Variants in FAM120B observed in about 807,000 individuals in gnomAD.
FAM120B encodes family with sequence similarity 120 member B, also known as constitutive coactivator of peroxisome proliferator-activated receptor gamma.
In FAM120B, 83 loss-of-function variants were observed where a neutral mutation model predicts 96.3. The ratio of observed to expected loss-of-function variants is 0.86; its 90% CI spans 0.72 to 1.03. FAM120B has a LOEUF of 1.03. Ranked by LOEUF, FAM120B falls within the 50% of genes least tolerant of loss-of-function variation. The pLI is 0.00. For missense variants in FAM120B, 1,027 were observed against 1,121.2 expected (o/e 0.92, Z 1.20); for synonymous variants, 407 against 402.7 (o/e 1.01, Z -0.13).
chr6:170,361,863 A>C (rs1788483175), intron 6 of FAM120B, among the ~76,000 whole-genome samples: 1 of 152,078 alleles, frequency 6.6e-6, no homozygotes, highest in African/African-American at 2.4e-5. Flanking sequence ...ACGTGATCTC[A>C]GCTCACTGCA....
At position 170,404,548 on chromosome 6, in the gene FAM120B, A is replaced by G. The variant is rs1453861365; in HGVS notation, c.2693-2A>G. 1.2e-6 allele frequency: 2 copies of G among 1,613,706 alleles called. No homozygotes were observed. Among genetic ancestry groups the G allele is most frequent in the Non-Finnish European group, 1.7e-6 (2 of 1,179,810 alleles). ...TTTGGTTTTCATGTCTGTTTACTGC[A>G]GGAAGCAGACAGTATGAGCATGACC... On this transcript the variant is annotated splice_acceptor_variant, in intron 9 of 10. Coordinates refer to ENST00000476287, the MANE Select transcript of FAM120B (RefSeq NM_032448.3). LOFTEE classifies it high-confidence loss of function.
Position 170,323,136 on chromosome 6 carries a change from A to G in FAM120B, c.1792A>G (p.Ser598Gly). 6.2e-7 allele frequency: 1 copy of G among 1,614,184 alleles called. No individual in the cohort carries two copies. The highest frequency in any genetic ancestry group is 1.1e-5 in the South Asian group (1 of 91,078). ...ESYLVYNIMS[S>G]GEIECSNTLE... ...CTACCTGGTGTACAACATCATGAGC[A>G]GTGGAGAGATTGAATGCAGCAACAC... The change falls in exon 3 of 11, where the codon AGT becomes GGT. Residue 598 changes from serine (S) to glycine (G), a missense_variant. Ser to Gly is a moderately conservative substitution (Grantham distance 56). Transcript: ENST00000476287.
intron 1 of FAM120B, among the ~76,000 whole-genome samples, chr6:170,307,217 T>C (rs1784346031): frequency 6.6e-6 from 1 of 152,228 alleles, no homozygotes; most frequent in African/African-American, 2.4e-5. Flanking sequence ...GTCAGAGCTG[T>C]TATCCTTCGT....
intron 6 of FAM120B, among the ~76,000 whole-genome samples, chr6:170,371,748 C>G (rs1789206539): frequency 6.6e-6 from 1 of 152,220 alleles, no homozygotes; most frequent in African/African-American, 2.4e-5. Flanking sequence ...CTTCAGGAGT[C>G]AGGCCTTGAA....
At chr6:170,337,046 C>T (rs1012380436) in intron 4 of FAM120B, among the ~76,000 whole-genome samples, 1 of 152,082 alleles carries the variant, frequency 6.6e-6, no homozygotes, top group African/African-American at 2.4e-5. Context: ...GCCTGATTGC[C>T]CTGGACAGAA....
At chr6:170,400,642 C>G (rs998013628) in intron 9 of FAM120B, among the ~76,000 whole-genome samples, 1 of 152,184 alleles carries the variant, frequency 6.6e-6, no homozygotes, top group Non-Finnish European at 1.5e-5. Context: ...CAGAGGGGAT[C>G]GTGGCCACTT....
At chr6:170,396,244 G>T (rs926800566) in intron 9 of FAM120B, among the ~76,000 whole-genome samples, 1 of 152,028 alleles carries the variant, frequency 6.6e-6, no homozygotes, top group Non-Finnish European at 1.5e-5. Context: ...TAGAGACTTC[G>T]CAAGCTGCTC....
intron 1 of FAM120B, among the ~76,000 whole-genome samples, chr6:170,308,006 A>G (rs1013198360): frequency 2.4e-4 from 37 of 152,280 alleles, no homozygotes; most frequent in African/African-American, 8.7e-4. Context: ...TGTACTCCCA[A>G]GTTCCTCCGT....
chr6:170,311,108 G>C (rs953205098), intron 1 of FAM120B, among the ~76,000 whole-genome samples: 3 of 152,242 alleles, frequency 2.0e-5, no homozygotes, highest in African/African-American at 4.8e-5. Context: ...AGTGGATGCT[G>C]AACAGCCATA....
chr6:170,306,543 G>A (rs533249111), upstream of FAM120B: 2 of 152,384 alleles, frequency 1.3e-5, no homozygotes, highest in South Asian at 2.1e-4. Flanking sequence ...CGCGACCCGA[G>A]GTCCGCCAGC....
upstream of FAM120B, among the ~76,000 whole-genome samples, chr6:170,303,680 T>TATGTAAACACACGTA (rs1784189050): frequency 2.6e-5 from 4 of 152,372 alleles, no homozygotes; most frequent in Middle Eastern, 6.8e-3. Flanking sequence ...CATGCACATT[T>TATGTAAACACACGTA]ATGTAAACAC....
chr6:170,395,602 T>G (rs1387100847), intron 9 of FAM120B, 23 bp downstream of exon 9: 2 of 1,542,378 alleles, frequency 1.3e-6, no homozygotes, highest in Non-Finnish European at 1.8e-6. Flanking sequence ...GTGGTCACTC[T>G]GCTGGGCCAC....
At chr6:170,345,673 A>G (rs1328046529) in intron 4 of FAM120B, among the ~76,000 whole-genome samples, 2 of 152,234 alleles carry the variant, frequency 1.3e-5, no homozygotes, top group African/African-American at 4.8e-5. Flanking sequence ...TAAACAATTG[A>G]TGGATCTTGT....
At chr6:170,385,748 A>C (rs1301579376) in intron 6 of FAM120B, among the ~76,000 whole-genome samples, 5 of 152,228 alleles carry the variant, frequency 3.3e-5, no homozygotes, top group Non-Finnish European at 7.3e-5. Context: ...TCAGTGGGTG[A>C]TTAGATGAAC....
In FAM120B at chr6:170,376,999, C is replaced by T. The variant is rs377506589; in HGVS notation, c.2284-11288C>T. ...GTGCACACGCGTCCCTAAACCCAGA[C>T]GCCTGGGAGAACACAGGCTCACGCT... On this transcript the variant is annotated intron_variant, in intron 6 of 10. Transcript: ENST00000476287. Among the ~76,000 whole-genome samples the T allele has an allele frequency of 7.5e-3, 915 of 122,182 alleles. 26 individuals are homozygous for T. The East Asian group carries it at 0.08, about 11-fold the overall frequency. 80.2% of individuals were successfully genotyped at this position (122,182 alleles called of 152,430 possible).
intron 5 of FAM120B, among the ~76,000 whole-genome samples, chr6:170,350,377 G>T (rs1392043296): frequency 6.6e-6 from 1 of 152,228 alleles, no homozygotes; most frequent in East Asian, 1.9e-4. Context: ...CAGCCTGCCA[G>T]CTTTGGAGAA....
intron 9 of FAM120B, among the ~76,000 whole-genome samples, chr6:170,403,897 CT>C (rs1778705601): frequency 6.6e-6 from 1 of 152,290 alleles, no homozygotes; most frequent in Admixed American, 6.5e-5. Context: ...GGAGCCCACA[CT>C]TTTGGGGGAG....
rs1778779200 is a variant in FAM120B at position 170,405,677 on chromosome 6, A to G, written c.*926A>G. 2 of 152,260 alleles carry G rather than the reference A, an allele frequency of 1.3e-5. No individual in the cohort carries two copies. Among genetic ancestry groups the G allele is most frequent in the Admixed American group, 6.5e-5 (1 of 15,290 alleles). The allele number at this position is 152,260 out of a possible 1,614,324, so 9.4% of individuals were successfully genotyped here. A position where few individuals can be genotyped will look rare whatever the true frequency, so the allele number is the denominator to read the frequency against. Reference sequence around the variant, plus strand: ...TTCTCTTGGTCCTCAGAAGTGTTTGAATAGAAAAGTAACAACTAACTTCCC... The same window carrying G: ...TTCTCTTGGTCCTCAGAAGTGTTTGGATAGAAAAGTAACAACTAACTTCCC... On this transcript the variant is annotated 3_prime_UTR_variant, in exon 11 of 11. Transcript: ENST00000476287.
chr6:170,332,728 GC>G (rs1355946180), intron 4 of FAM120B, among the ~76,000 whole-genome samples: 3 of 152,044 alleles, frequency 2.0e-5, no homozygotes, highest in African/African-American at 7.2e-5. Context: ...CTGCCGATGG[GC>G]CCTTCCTGTC....
Sources: allele counts gnomAD v4.1 joint callset (sites outside exome capture counted in the v4.1 genomes callset), GRCh38; gene constraint gnomAD v4.1.1; transcripts MANE v1.5; gene names NCBI Gene and HGNC (gene_info 2026-07-23, HGNC 2026-07-21).